The following SGCZ variants were observed in gnomAD, a reference collection of about 807,000 sequenced individuals.
The protein encoded by SGCZ is zeta-sarcoglycan.
Under a neutral mutation model 41.3 loss-of-function variants are expected in SGCZ, and 40 were observed. The observed-to-expected ratio is 0.97, with a 90% CI of 0.75 to 1.26. SGCZ has a LOEUF of 1.26. Ranked by LOEUF, SGCZ falls within the 50% of genes most tolerant of loss-of-function variation. The pLI is 0.00. For missense variants in SGCZ, 552 were observed against 369.8 expected (o/e 1.49, Z -4.04); for synonymous variants, 206 against 137.5 (o/e 1.50, Z -3.49).
intron 2 of SGCZ, among the ~76,000 whole-genome samples, chr8:14,498,874 T>C (rs1243446295): frequency 6.6e-6 from 1 of 151,992 alleles, no homozygotes; most frequent in Non-Finnish European, 1.5e-5. Context: ...CTTTTGAATG[T>C]CTTAGTTTCA....
chr8:14,479,906 C>A (rs1245867533), intron 2 of SGCZ, among the ~76,000 whole-genome samples: 4 of 54,044 alleles, frequency 7.4e-5, no homozygotes, highest in Non-Finnish European at 1.0e-4. Flanking sequence ...CTAGCACGCT[C>A]GACTAATTTT....
At chr8:14,838,900 G>T (rs1207271001) in intron 1 of SGCZ, among the ~76,000 whole-genome samples, 2 of 152,112 alleles carry the variant, frequency 1.3e-5, no homozygotes, top group Non-Finnish European at 1.5e-5. Flanking sequence ...TAACCAAAGT[G>T]GTTAGAAGTA....
chr8:14,897,589 T>C (rs533614223), intron 1 of SGCZ, among the ~76,000 whole-genome samples: 1 of 152,334 alleles, frequency 6.6e-6, no homozygotes, highest in Admixed American at 6.5e-5. Flanking sequence ...GCCTTTTCTA[T>C]TTTAAATGTG....
chr8:14,173,622 C>T (rs1804456232), intron 4 of SGCZ, among the ~76,000 whole-genome samples: 2 of 151,928 alleles, frequency 1.3e-5, no homozygotes, highest in South Asian at 4.1e-4. Context: ...CGTCCATGAG[C>T]CTGTGAAACA....
chr8:14,600,982 A>C (rs1312118064), intron 1 of SGCZ, among the ~76,000 whole-genome samples: 1 of 151,098 alleles, frequency 6.6e-6, no homozygotes, highest in Non-Finnish European at 1.5e-5. Flanking sequence ...TTATACTTTT[A>C]ATGCATATGT....
intron 1 of SGCZ, among the ~76,000 whole-genome samples, chr8:15,233,655 A>C (rs775021073): frequency 6.6e-6 from 1 of 152,140 alleles, no homozygotes; most frequent in Non-Finnish European, 1.5e-5. Context: ...TACATTTAAT[A>C]AACTCAAATA....
chr8:15,108,827 G>T (rs1159102619), intron 1 of SGCZ, among the ~76,000 whole-genome samples: 2 of 152,092 alleles, frequency 1.3e-5, no homozygotes, highest in African/African-American at 2.4e-5. Context: ...AATACTTAAT[G>T]GAATATATTT....
intron 2 of SGCZ, among the ~76,000 whole-genome samples, chr8:14,540,834 G>C (rs1032066021): frequency 1.3e-5 from 2 of 151,552 alleles, no homozygotes; most frequent in African/African-American, 2.4e-5. Context: ...CTTTTTACTT[G>C]TCACATGTTC....
chr8:14,266,324 G>C (rs1799864308), intron 3 of SGCZ, among the ~76,000 whole-genome samples: 1 of 152,074 alleles, frequency 6.6e-6, no homozygotes, highest in African/African-American at 2.4e-5. Context: ...TTGTGGGTGA[G>C]ACATTAATGA....
chr8:14,108,211 TG>T lies in SGCZ; in HGVS notation c.571del (p.His191ThrfsTer25). The stretch of plus-strand genomic sequence containing the variant: ...TCTGATGTGCGGCGTCTCCACAGAG[TG>T]CCCAAATACGGCTCCTTCAGTGCCT... ...VTGTEGAVFG[H>X]SVETPHIRAE... On this transcript the variant is annotated frameshift_variant, in exon 6 of 8. Transcript: ENST00000382080. LOFTEE classifies it high-confidence loss of function. 6.2e-7 allele frequency: 1 copy of T among 1,613,958 alleles called. No individual in the cohort carries two copies. The highest frequency in any genetic ancestry group is 8.5e-7 in the Non-Finnish European group (1 of 1,179,974).
chr8:14,541,087 C>G (rs1563397117), intron 2 of SGCZ, among the ~76,000 whole-genome samples: 1 of 151,270 alleles, frequency 6.6e-6, no homozygotes, highest in Non-Finnish European at 1.5e-5. Context: ...AAACACAACA[C>G]ATACACACAC....
At chr8:14,876,640 A>C (rs1804367030) in intron 1 of SGCZ, among the ~76,000 whole-genome samples, 1 of 152,218 alleles carries the variant, frequency 6.6e-6, no homozygotes, top group Non-Finnish European at 1.5e-5. Flanking sequence ...AGGGTCACTT[A>C]AAGTAACTTT....
At chr8:14,589,558 A>G (rs1008528631) in intron 1 of SGCZ, among the ~76,000 whole-genome samples, 1 of 152,126 alleles carries the variant, frequency 6.6e-6, no homozygotes. Flanking sequence ...TCTTGAGCAA[A>G]TTACTTGATC....
Position 15,070,848 on chromosome 8 carries a change from G to A in SGCZ, c.39+166737C>T, listed in dbSNP as rs149132109. 3.3e-5 allele frequency among the ~76,000 whole-genome samples: 5 copies of A among 152,270 alleles called. No homozygotes were observed. The East Asian group carries it at 9.7e-4, about 29-fold the overall frequency. On this transcript the variant is annotated intron_variant, in intron 1 of 7. Coordinates refer to ENST00000382080, the MANE Select transcript of SGCZ (RefSeq NM_139167.4). The stretch of plus-strand genomic sequence containing the variant: ...TAGTAGCATAGTAGAAAAAGCATAG[G>A]ATTTGCTATAGAAACACTGAGGTGT...
chr8:14,270,715 A>C (rs1800029484), intron 3 of SGCZ, among the ~76,000 whole-genome samples: 1 of 152,154 alleles, frequency 6.6e-6, no homozygotes, highest in African/African-American at 2.4e-5. Flanking sequence ...CGCAATAAAC[A>C]CTATTTCTAT....
chr8:14,674,360 C>G (rs1407197518), intron 1 of SGCZ, among the ~76,000 whole-genome samples: 2 of 151,726 alleles, frequency 1.3e-5, no homozygotes, highest in Non-Finnish European at 2.9e-5. Context: ...TACTATTGTT[C>G]AAAGTAATTA....
chr8:14,874,367 T>C (rs966013675), intron 1 of SGCZ, among the ~76,000 whole-genome samples: 4 of 152,124 alleles, frequency 2.6e-5, no homozygotes. Flanking sequence ...GCTCATAATT[T>C]TTCCCTGGTG....
At chr8:14,178,270 T>C (rs1049438569) in intron 4 of SGCZ, among the ~76,000 whole-genome samples, 5 of 152,186 alleles carry the variant, frequency 3.3e-5, no homozygotes, top group Admixed American at 2.0e-4. Flanking sequence ...GTTTTTCTTA[T>C]ACAGTTCAGT....
At chr8:15,201,748 C>G (rs1032407360) in intron 1 of SGCZ, among the ~76,000 whole-genome samples, 2 of 152,124 alleles carry the variant, frequency 1.3e-5, no homozygotes, top group African/African-American at 4.8e-5. Context: ...TGAACCTACC[C>G]CCACCTTCTG....
Sources: allele counts gnomAD v4.1 joint callset (sites outside exome capture counted in the v4.1 genomes callset), GRCh38; gene constraint gnomAD v4.1.1; transcripts MANE v1.5; gene names NCBI Gene and HGNC (gene_info 2026-07-23, HGNC 2026-07-21).